SLIT2: variants seen among roughly 807,000 people sequenced by gnomAD.
SLIT2 encodes slit guidance ligand 2.
A neutral mutation model predicts 185.7 loss-of-function variants in SLIT2; 41 were observed. That is an observed-to-expected ratio of 0.22 (90% confidence interval 0.17 to 0.29). The LOEUF is 0.29. Ranked by LOEUF, SLIT2 falls within the 10% of genes least tolerant of loss-of-function variation. The pLI is 1.00. For missense variants in SLIT2, 1,571 were observed against 1,909.0 expected, an observed-to-expected ratio of 0.82 and a Z score of 3.30; for synonymous variants, 693 against 680.2, an observed-to-expected ratio of 1.02 and a Z score of -0.29.
intron 4 of SLIT2, among the ~76,000 whole-genome samples, chr4:20,280,022 G>T (rs1481412023): frequency 6.6e-6 from 1 of 152,074 alleles, no homozygotes; most frequent in South Asian, 2.1e-4. Flanking sequence ...TGTGAAAAAA[G>T]CACTGGATCA....
At chr4:20,520,798 CTTTAT>C (rs1350666160) in intron 12 of SLIT2, among the ~76,000 whole-genome samples, 1 of 152,158 alleles carries the variant, frequency 6.6e-6, no homozygotes, top group Non-Finnish European at 1.5e-5. Context: ...CCAATTCTCT[CTTTAT>C]TTTCTCAGTG....
rs559436135 is a variant in SLIT2, at chr4:20,383,513, T to G, written c.396-84239T>G. Among the ~76,000 whole-genome samples the G allele has an allele frequency of 5.7e-4, 87 of 152,230 alleles. No individual in the cohort carries two copies. The South Asian group carries it at 0.014, about 25-fold the overall frequency. ...AAAATGAAAGTTACAAATGCAATGATATACCACTAAGCACACACTTGAATG... is the reference window on the plus strand; with the variant it reads ...AAAATGAAAGTTACAAATGCAATGAGATACCACTAAGCACACACTTGAATG... On this transcript the variant is annotated intron_variant, in intron 4 of 36. Coordinates refer to ENST00000504154, the MANE Select transcript of SLIT2 (RefSeq NM_004787.4).
At chr4:20,510,589 T>C (rs1235153991) in intron 10 of SLIT2, 23 bp downstream of exon 10, 2 of 1,462,766 alleles carry the variant, frequency 1.4e-6, no homozygotes, top group African/African-American at 1.4e-5. Flanking sequence ...TATTCTACAA[T>C]ATATGTAATT....
chr4:20,284,727 G>C (rs1012686470), intron 4 of SLIT2, among the ~76,000 whole-genome samples: 1 of 152,128 alleles, frequency 6.6e-6, no homozygotes, highest in Non-Finnish European at 1.5e-5. Flanking sequence ...TGAAGAAAGG[G>C]CTGTCCTACA....
intron 5 of SLIT2, among the ~76,000 whole-genome samples, chr4:20,472,382 ATATGTAGATATATAGATATAGATATC>A (rs1250408705): frequency 5.8e-4 from 23 of 39,396 alleles, no homozygotes; most frequent in East Asian, 3.4e-3. Flanking sequence ...ATATCTATAT[ATATGTAGATATATAGATATAGATATC>A]TATATATCTA....
rs79472788 is a variant in SLIT2 at position 20,365,719 on chromosome 4, A to G, written c.395+96838A>G. 2.7e-3 allele frequency among the ~76,000 whole-genome samples: 412 copies of G among 152,220 alleles called. 1 individual carries two copies. Among genetic ancestry groups the G allele is most frequent in the Middle Eastern group, 0.014 (4 of 294 alleles). On this transcript the variant is annotated intron_variant, in intron 4 of 36. Transcript: ENST00000504154. ...GGCCAGTGAAAGAACTGTGCCTGCCACACTGCTTTTCACTCGCACGCATCC... is the reference window on the plus strand; with the variant it reads ...GGCCAGTGAAAGAACTGTGCCTGCCGCACTGCTTTTCACTCGCACGCATCC...
chr4:20,483,106 C>T (rs1385614907), intron 6 of SLIT2, among the ~76,000 whole-genome samples: 2 of 151,982 alleles, frequency 1.3e-5, no homozygotes, highest in Admixed American at 1.3e-4. Context: ...AATGAAGGAA[C>T]ATTAACTTAC....
intron 26 of SLIT2, among the ~76,000 whole-genome samples, chr4:20,557,267 A>G (rs1178505314): frequency 7.9e-5 from 12 of 152,104 alleles, no homozygotes; most frequent in Admixed American, 7.9e-4. Flanking sequence ...AGCAGATGTC[A>G]TCTAGGATTT....
intron 4 of SLIT2, among the ~76,000 whole-genome samples, chr4:20,291,443 A>G (rs1353037416): frequency 9.8e-6 from 1 of 102,134 alleles, no homozygotes; most frequent in Non-Finnish European, 1.9e-5. Flanking sequence ...CTCCTAAGAA[A>G]CCTCATATAT....
rs148250357 is a variant in SLIT2 at position 20,473,793 on chromosome 4, A to G, written c.467+5970A>G. Among the ~76,000 whole-genome samples the G allele has an allele frequency of 5.9e-3, 897 of 152,178 alleles. 3 individuals carry two copies. Among genetic ancestry groups the G allele is most frequent in the Non-Finnish European group, 9.7e-3 (662 of 67,938 alleles). ...AGAGAGCAAGGGTTGCTCACTTGATATAGAATCAATATGTAACAAACAGAG... is the reference window on the plus strand; with the variant it reads ...AGAGAGCAAGGGTTGCTCACTTGATGTAGAATCAATATGTAACAAACAGAG... On this transcript the variant is annotated intron_variant, in intron 5 of 36. Transcript: ENST00000504154.
intron 21 of SLIT2, among the ~76,000 whole-genome samples, chr4:20,545,415 A>G (rs1284769108): frequency 5.3e-5 from 8 of 151,804 alleles, no homozygotes; most frequent in Admixed American, 2.6e-4. Flanking sequence ...TCTAATAAGA[A>G]GGGAAAGTTT....
chr4:20,546,294 C>G (rs1447855619), intron 22 of SLIT2, among the ~76,000 whole-genome samples, 195 bp downstream of exon 22: 1 of 152,084 alleles, frequency 6.6e-6, no homozygotes, highest in Non-Finnish European at 1.5e-5. Flanking sequence ...AGTGTCTTAG[C>G]AAGAGGTCCT....
intron 12 of SLIT2, among the ~76,000 whole-genome samples, chr4:20,521,132 G>A (rs866165170): frequency 9.2e-5 from 14 of 152,072 alleles, no homozygotes; most frequent in African/African-American, 2.7e-4. Flanking sequence ...CTACAAATAC[G>A]TGAAGTGTCA....
chr4:20,315,751 TA>T (rs1718520723), intron 4 of SLIT2, among the ~76,000 whole-genome samples: 1 of 152,098 alleles, frequency 6.6e-6, no homozygotes, highest in African/African-American at 2.4e-5. Context: ...TGGAACTCTT[TA>T]CATTAGGTAG....
chr4:20,599,835 C>A (rs569654039), intron 33 of SLIT2, among the ~76,000 whole-genome samples: 9 of 152,262 alleles, frequency 5.9e-5, no homozygotes, highest in African/African-American at 2.2e-4. Flanking sequence ...CACTGGCCTG[C>A]ATGTTATTGA....
At chr4:20,480,011 G>A (rs747526199) in intron 5 of SLIT2, among the ~76,000 whole-genome samples, 3 of 152,162 alleles carry the variant, frequency 2.0e-5, no homozygotes, top group Non-Finnish European at 4.4e-5. Context: ...TTTCTGGAGA[G>A]CGATATAATT....
chr4:20,592,752 C>T (rs529539308), intron 30 of SLIT2, among the ~76,000 whole-genome samples: 9 of 152,166 alleles, frequency 5.9e-5, no homozygotes, highest in East Asian at 5.8e-4. Context: ...GTTCTCTTCT[C>T]GGGCCTTGTC....
At chr4:20,513,924 C>T (rs1250390851) in intron 11 of SLIT2, among the ~76,000 whole-genome samples, 3 of 152,166 alleles carry the variant, frequency 2.0e-5, no homozygotes, top group East Asian at 1.9e-4. Flanking sequence ...AAAAATATCA[C>T]TGCTACTGGA....
intron 4 of SLIT2, among the ~76,000 whole-genome samples, chr4:20,303,902 A>G (rs1336521827): frequency 6.6e-6 from 1 of 152,220 alleles, no homozygotes; most frequent in Non-Finnish European, 1.5e-5. Flanking sequence ...ATGATAGGAG[A>G]TGAACCTTGG....
Sources: gnomAD v4.1 joint callset for allele counts (sites outside exome capture counted in the v4.1 genomes callset) on GRCh38, gnomAD v4.1.1 for gene constraint, MANE v1.5 for transcripts, NCBI Gene and HGNC (gene_info 2026-07-23, HGNC 2026-07-21) for gene names.